Variants in UVSSA observed in about 807,000 individuals in gnomAD.
UVSSA encodes UV stimulated scaffold protein A, also known as UV-stimulated scaffold protein A.
Under a neutral mutation model 73.9 loss-of-function variants are expected in UVSSA, and 72 were observed. The ratio of observed to expected loss-of-function variants is 0.97; its 90% CI spans 0.81 to 1.19. The LOEUF is 1.19. Among genes scored for constraint, UVSSA ranks in the 50% most tolerant of loss-of-function variants. The pLI is 0.00. For synonymous variants in UVSSA, 454 were observed against 391.3 expected, an observed-to-expected ratio of 1.16 and a Z score of -1.89; for missense variants, 1,150 against 965.0, an observed-to-expected ratio of 1.19 and a Z score of -2.54.
rs1368511004 is a variant in UVSSA at position 1,355,690 on chromosome 4, T to A, written c.1176+445T>A. On this transcript the variant is annotated intron_variant, in intron 7 of 13. Coordinates refer to ENST00000389851, the MANE Select transcript of UVSSA (RefSeq NM_020894.4). ...TGCCCACTTGGGGTGAAGACTTGGG[T>A]TACTGTCTGCTGGGCCTTGCGAGGG... Among the ~76,000 whole-genome samples the A allele has an allele frequency of 3.3e-5, 5 of 152,026 alleles. No individual in the cohort carries two copies. In the East Asian group the frequency reaches 7.7e-4, roughly 23 times the overall value.
chr4:1,351,864 C>T (rs1714809577), intron 4 of UVSSA, 29 bp downstream of exon 4: 1 of 1,609,726 alleles, frequency 6.2e-7, no homozygotes, highest in African/African-American at 1.3e-5. Flanking sequence ...GGGAGGGGCC[C>T]ACGCCTCTGA....
Position 1,365,748 on chromosome 4 carries a change from G to T in UVSSA, c.1177-572G>T, listed in dbSNP as rs141466944. Among the ~76,000 whole-genome samples the T allele has an allele frequency of 6.6e-4, 101 of 152,342 alleles. 1 individual carries two copies. The East Asian group carries it at 0.016, about 24-fold the overall frequency. ...GAACCCTGTGTGGGGAGCTAGCCCT[G>T]GCCCGTTGCCTAAGAGCAGACGCAC... On this transcript the variant is annotated intron_variant, in intron 7 of 13. Transcript: ENST00000389851.
At chr4:1,365,877 C>T (rs981783607) in intron 7 of UVSSA, among the ~76,000 whole-genome samples, 27 of 150,268 alleles carry the variant, frequency 1.8e-4, no homozygotes, top group South Asian at 6.4e-4. Flanking sequence ...TCAGGGGCAC[C>T]GCAGACGCAC....
chr4:1,370,108 C>A (rs1198938176), intron 8 of UVSSA, among the ~76,000 whole-genome samples: 1 of 151,732 alleles, frequency 6.6e-6, no homozygotes, highest in Non-Finnish European at 1.5e-5. Flanking sequence ...GCTTACCCAT[C>A]TTTTTAATGG....
chr4:1,380,891 T>C lies in UVSSA; in HGVS notation c.1764T>C (p.His588=). ...TCCTCGCTGTGCAGTGCCCTTTCCA[T>C]GGGAAGATTGTTCCACGGGACGACG... ...ERQDRLKCPF[H]GKIVPRDDEG... is the part of the protein sequence containing the mutation. Residue 588 remains histidine (H), a synonymous_variant, in exon 12 of 14, where the codon CAT becomes CAC. Transcript: ENST00000389851. 1 of 1,612,844 alleles carries C rather than the reference T, an allele frequency of 6.2e-7. No homozygotes were observed. Among genetic ancestry groups the C allele is most frequent in the Non-Finnish European group, 8.5e-7 (1 of 1,179,842 alleles).
chr4:1,348,351 G>A (rs1025523484), intron 2 of UVSSA, among the ~76,000 whole-genome samples, 162 bp downstream of exon 2: 1 of 152,232 alleles, frequency 6.6e-6, no homozygotes, highest in African/African-American at 2.4e-5. Context: ...GGGTGGTCAT[G>A]TTCTGGGGTC....
chr4:1,376,753 C>G (rs1027192797), intron 10 of UVSSA, among the ~76,000 whole-genome samples: 1 of 152,228 alleles, frequency 6.6e-6, no homozygotes, highest in Non-Finnish European at 1.5e-5. Context: ...GGTACTCCAG[C>G]GCCTGCCACA....
intron 3 of UVSSA, among the ~76,000 whole-genome samples, chr4:1,350,534 G>A (rs762215645): frequency 6.6e-6 from 1 of 152,224 alleles, no homozygotes; most frequent in Non-Finnish European, 1.5e-5. Flanking sequence ...CTACCTGTGA[G>A]GTACTTGGGG....
chr4:1,356,409 C>G (rs1238750938), intron 7 of UVSSA, among the ~76,000 whole-genome samples: 1 of 152,176 alleles, frequency 6.6e-6, no homozygotes, highest in Admixed American at 6.5e-5. Flanking sequence ...GCTTGCTTTT[C>G]TCCTTTAAGT....
chr4:1,394,101 C>A, exon 14 of UVSSA: 1 of 323,490 alleles, frequency 3.1e-6, no homozygotes, highest in Non-Finnish European at 5.8e-6. Context: ...TCACTTCTTA[C>A]TTGCACACAG....
intron 5 of UVSSA, among the ~76,000 whole-genome samples, chr4:1,354,222 G>T (rs1040327690): frequency 3.9e-5 from 6 of 152,210 alleles, no homozygotes; most frequent in African/African-American, 1.4e-4. Context: ...CTGCAAGCCT[G>T]GGCTGTCCTC....
intron 13 of UVSSA, 72 bp downstream of exon 13, chr4:1,384,012 G>A: frequency 6.7e-7 from 1 of 1,486,090 alleles, no homozygotes; most frequent in Non-Finnish European, 8.9e-7. Context: ...GGGGCCATCT[G>A]AGCGCCAAGA....
chr4:1,378,302 C>T (rs1433888336), intron 10 of UVSSA, among the ~76,000 whole-genome samples: 2 of 152,244 alleles, frequency 1.3e-5, no homozygotes, highest in Admixed American at 6.5e-5. Flanking sequence ...CCTGTAATCC[C>T]AGCACTTTGG....
rs951853171 is a variant in UVSSA, at chr4:1,394,389, C to G, written c.*8428C>G. ...ATGTTTTCCATGTTTTCTTCTAGTACTTTTATGGGTTTCATTTTCATATTG... is the reference window on the plus strand; with the variant it reads ...ATGTTTTCCATGTTTTCTTCTAGTAGTTTTATGGGTTTCATTTTCATATTG... On this transcript the variant is annotated 3_prime_UTR_variant, in exon 14 of 14. Coordinates refer to the UVSSA transcript ENST00000511216. 1.0e-5 allele frequency: 15 copies of G among 1,481,838 alleles called. 1 individual carries two copies. In the South Asian group the frequency reaches 1.9e-4, roughly 19 times the overall value. The allele number at this position is 1,481,838 out of a possible 1,614,324, so 91.8% of individuals were successfully genotyped here. A position where few individuals can be genotyped will look rare whatever the true frequency, so the allele number is the denominator to read the frequency against.
intron 7 of UVSSA, among the ~76,000 whole-genome samples, 174 bp downstream of exon 7, chr4:1,355,419 G>T (rs1270073394): frequency 2.6e-5 from 4 of 152,226 alleles, no homozygotes; most frequent in Non-Finnish European, 4.4e-5. Flanking sequence ...TGAGCCCAGG[G>T]TCATCACCAT....
chr4:1,347,892 AC>A, intron 1 of UVSSA, 132 bp downstream of exon 1: 1 of 577,260 alleles, frequency 1.7e-6, no homozygotes. Flanking sequence ...TTTAAGGTTC[AC>A]TTTTAAAACT....
chr4:1,365,906 A>G (rs1201481917), intron 7 of UVSSA, among the ~76,000 whole-genome samples: 1 of 151,398 alleles, frequency 6.6e-6, no homozygotes, highest in South Asian at 2.1e-4. Flanking sequence ...CCTGGTGAGA[A>G]GATAACTGCC....
At chr4:1,367,268 G>A (rs77194922) in intron 8 of UVSSA, among the ~76,000 whole-genome samples, 326 of 152,314 alleles carry the variant, frequency 2.1e-3, no homozygotes, top group South Asian at 9.5e-3. Context: ...GGGGATGGGC[G>A]TGGACCCAGG....
chr4:1,367,667 C>T (rs747845973), intron 8 of UVSSA, among the ~76,000 whole-genome samples: 6 of 152,114 alleles, frequency 3.9e-5, no homozygotes, highest in Non-Finnish European at 8.8e-5. Flanking sequence ...GCCGGGACCT[C>T]GCTCTGGGAA....
Sources: gnomAD v4.1 joint callset for allele counts (sites outside exome capture counted in the v4.1 genomes callset) on GRCh38, gnomAD v4.1.1 for gene constraint, MANE v1.5 for transcripts, NCBI Gene and HGNC (gene_info 2026-07-23, HGNC 2026-07-21) for gene names.